The following NARF variants were observed in gnomAD, a reference collection of about 807,000 sequenced individuals.
The protein encoded by NARF is nuclear prelamin A recognition factor.
NARF carries 41 observed loss-of-function variants against 48.0 expected under a neutral mutation model. The ratio of observed to expected loss-of-function variants is 0.85; its 90% CI spans 0.66 to 1.11. The LOEUF (loss-of-function observed/expected upper bound fraction) is 1.11, where lower values mean the gene tolerates loss of function less well. NARF is among the 50% of genes least tolerant of loss of function. NARF has a pLI of 0.00. For synonymous variants in NARF, 215 were observed against 225.5 expected (o/e 0.95, Z 0.42); for missense variants, 613 against 590.2 (o/e 1.04, Z -0.40).
At chr17:82,464,173 C>T in intron 2 of NARF, 114 bp from the exon 3 acceptor site, 6 of 1,396,688 alleles carry the variant, frequency 4.3e-6, no homozygotes, top group East Asian at 2.3e-5. Flanking sequence ...GGCCTGGACC[C>T]TGGTATTATC....
intron 10 of NARF, 29 bp downstream of exon 10, chr17:82,485,683 T>C (rs1227709738): frequency 1.2e-6 from 2 of 1,612,058 alleles, no homozygotes. Context: ...CACCTGGCTC[T>C]GTCTCCCACG....
chr17:82,467,952 T>C (rs1196500403), intron 3 of NARF, among the ~76,000 whole-genome samples: 1 of 152,242 alleles, frequency 6.6e-6, no homozygotes, highest in South Asian at 2.1e-4. Context: ...GATATTCACA[T>C]TTACTGATAT....
intron 5 of NARF, among the ~76,000 whole-genome samples, chr17:82,473,558 AGTCAGGAT>A (rs1292578938): frequency 6.7e-6 from 1 of 150,158 alleles, no homozygotes; most frequent in Non-Finnish European, 1.5e-5. Flanking sequence ...TCACCGTGTT[AGTCAGGAT>A]GGTCTCGATC....
chr17:82,487,958 A>G lies in NARF; in HGVS notation c.1172A>G (p.His391Arg). ...GRGQAQTPDGHADKALLRQME... is the reference protein window; with the variant it reads ...GRGQAQTPDGRADKALLRQME... ...GGCCAAGCCCAGACTCCAGACGGAC[A>G]TGCGGATAAGGCCCTGCTGCGGCAG... The change falls in exon 11 of 11, where the codon CAT becomes CGT. Residue 391 changes from histidine to arginine, a missense_variant. Coordinates refer to ENST00000309794, the MANE Select transcript of NARF (RefSeq NM_012336.4). The G allele has an allele frequency of 6.2e-7, 1 of 1,614,224 alleles. No homozygotes were observed. The highest frequency in any genetic ancestry group is 8.5e-7 in the Non-Finnish European group (1 of 1,180,046).
At chr17:82,464,690 G>A (rs908822502) in intron 3 of NARF, among the ~76,000 whole-genome samples, 1 of 152,232 alleles carries the variant, frequency 6.6e-6, no homozygotes, top group African/African-American at 2.4e-5. Context: ...TGGCTTAAGC[G>A]GGGCCTCTGC....
chr17:82,475,461 G>A (rs945558371), intron 5 of NARF, among the ~76,000 whole-genome samples: 4 of 152,146 alleles, frequency 2.6e-5, no homozygotes, highest in Non-Finnish European at 5.9e-5. Flanking sequence ...TTAGCCAGGT[G>A]TGGCGGGCAC....
rs2043397999 is a variant in NARF at position 82,460,120 on chromosome 17, G to A, written c.108+48G>A. On this transcript the variant is annotated intron_variant, in intron 2 of 10. Coordinates refer to ENST00000309794, the MANE Select transcript of NARF (RefSeq NM_012336.4). ...TATCAGCCCAGAGTAAACTACTGCT[G>A]CTGTTTTTCTCTTTGGGGGCTCACA... is the stretch of plus-strand genomic sequence containing the variant. 2.6e-6 allele frequency: 4 copies of A among 1,514,470 alleles called. No homozygotes were observed. In the East Asian group the frequency reaches 9.1e-5, roughly 34 times the overall value. The allele number at this position is 1,514,470 out of a possible 1,614,324, so 93.8% of individuals were successfully genotyped here.
chr17:82,481,122 C>T lies in NARF; in HGVS notation c.680C>T (p.Pro227Leu), dbSNP rs11537909. ...AAGATTTTCCACGTCATTGTGGCCC[C>T]TTGTTATGACAAGAAGCTGGAGGCT... ...PEKIFHVIVA[P>L]CYDKKLEALQ... The change falls in exon 7 of 11, where the codon CCT (proline) becomes CTT (leucine). Residue 227 changes from proline (P) to leucine (L), a missense_variant. Physicochemically the swap from Pro to Leu is moderately conservative, Grantham distance 98. Transcript: ENST00000309794. 7.4e-6 allele frequency: 12 copies of T among 1,614,104 alleles called. No homozygotes were observed. Among genetic ancestry groups the T allele is most frequent in the Non-Finnish European group, 1.0e-5 (12 of 1,180,008 alleles).
At chr17:82,481,557 C>T (rs1462492021) in intron 7 of NARF, among the ~76,000 whole-genome samples, 4 of 151,938 alleles carry the variant, frequency 2.6e-5, no homozygotes, top group Non-Finnish European at 4.4e-5. Context: ...GGAGAAACCC[C>T]GTCTCTACTA....
intron 2 of NARF, chr17:82,460,886 C>T (rs558516991): frequency 2.6e-5 from 4 of 152,134 alleles, no homozygotes; most frequent in Non-Finnish European, 5.9e-5. Context: ...ACAAAGAAAA[C>T]GTGGTGTAAT....
At chr17:82,479,773 G>T (rs774995226) in intron 6 of NARF, among the ~76,000 whole-genome samples, 1 of 152,210 alleles carries the variant, frequency 6.6e-6, no homozygotes, top group East Asian at 1.9e-4. Context: ...AATAGGCAGT[G>T]TTTTCCTTCT....
intron 9 of NARF, 72 bp from the exon 10 acceptor site, chr17:82,485,425 A>C: frequency 6.5e-7 from 1 of 1,549,212 alleles, no homozygotes; most frequent in Non-Finnish European, 8.8e-7. Context: ...CGTCTCAAAA[A>C]AAAAAAGGAA....
intron 7 of NARF, chr17:82,482,907 C>T (rs1320694679): frequency 6.6e-6 from 1 of 151,884 alleles, no homozygotes; most frequent in African/African-American, 2.4e-5. Context: ...CGATTCTCCT[C>T]CCTCAGCCTC....
chr17:82,469,318 A>G (rs956967399), intron 4 of NARF, among the ~76,000 whole-genome samples: 1 of 152,248 alleles, frequency 6.6e-6, no homozygotes, highest in African/African-American at 2.4e-5. Context: ...AGAGCAGAGC[A>G]GAAAGGGAAT....
intron 7 of NARF, chr17:82,483,296 G>A (rs117078788): frequency 0.023 from 7,911 of 348,744 alleles, 136 homozygotes; most frequent in Admixed American, 0.042. Context: ...TCCAGCCTGG[G>A]CGGCGGAGGT....
At chr17:82,483,586 C>A in intron 7 of NARF, 130 bp from the exon 8 acceptor site, 1 of 775,630 alleles carries the variant, frequency 1.3e-6, no homozygotes, top group Non-Finnish European at 2.2e-6. Context: ...AGATGGACTC[C>A]TGCTGTGTGT....
At chr17:82,471,857 A>G (rs545971031) in intron 4 of NARF, among the ~76,000 whole-genome samples, 1 of 151,690 alleles carries the variant, frequency 6.6e-6, no homozygotes, top group East Asian at 1.9e-4. Context: ...TTTTAAACAC[A>G]TCAAGAACCA....
chr17:82,483,807 C>A (rs773611935), intron 8 of NARF, 28 bp downstream of exon 8: 47 of 1,609,522 alleles, frequency 2.9e-5, no homozygotes, highest in Non-Finnish European at 3.9e-5. Flanking sequence ...GGAGAGTCCT[C>A]TGGGGGGCAG....
At chr17:82,480,825 G>C in intron 6 of NARF, 1 of 529,412 alleles carries the variant, frequency 1.9e-6, no homozygotes, top group Non-Finnish European at 3.4e-6. Flanking sequence ...CCAGCTACTC[G>C]GGAGGCTGAG....
Sources: allele counts gnomAD v4.1 joint callset (sites outside exome capture counted in the v4.1 genomes callset), GRCh38; gene constraint gnomAD v4.1.1; transcripts MANE v1.5; gene names NCBI Gene and HGNC (gene_info 2026-07-23, HGNC 2026-07-21).